Variants in TMEM63C observed in about 807,000 individuals in gnomAD.
TMEM63C encodes osmosensitive cation channel TMEM63C.
Under a neutral mutation model 99.2 loss-of-function variants are expected in TMEM63C, and 32 were observed. That is an observed-to-expected ratio of 0.32 (90% CI 0.24 to 0.43). The LOEUF (loss-of-function observed/expected upper bound fraction) is 0.43. Among genes scored for constraint, TMEM63C ranks in the 20% least tolerant of loss-of-function variants. The pLI is 1.00. For missense variants in TMEM63C, 826 were observed against 1,053.0 expected, an observed-to-expected ratio of 0.78 and a Z score of 2.98; for synonymous variants, 376 against 397.9, an observed-to-expected ratio of 0.94 and a Z score of 0.66.
At chr14:77,247,638 G>A (rs1007578738) in intron 18 of TMEM63C, among the ~76,000 whole-genome samples, 5 of 152,314 alleles carry the variant, frequency 3.3e-5, no homozygotes, top group Admixed American at 2.6e-4. Flanking sequence ...TGCAGACCAC[G>A]TGGGACATTC....
Position 77,213,434 on chromosome 14 carries a change from G to C in TMEM63C, c.-76-12G>C, listed in dbSNP as rs1375137725. ...GTCTTGTGGTCTCTCCACCGCGTGTGTTCTTTTGCAGCAGCCCCGTAGCTG... is the reference window on the plus strand; with the variant it reads ...GTCTTGTGGTCTCTCCACCGCGTGTCTTCTTTTGCAGCAGCCCCGTAGCTG... On this transcript the variant is annotated splice_polypyrimidine_tract_variant and intron_variant, in intron 1 of 23. Transcript: ENST00000298351. The C allele has an allele frequency of 6.6e-6, 1 of 152,224 alleles. No homozygotes were observed. The highest frequency in any genetic ancestry group is 1.5e-5 in the Non-Finnish European group (1 of 68,054). The allele number at this position is 152,224 out of a possible 1,614,324, so 9.4% of individuals were successfully genotyped here.
intron 1 of TMEM63C, among the ~76,000 whole-genome samples, chr14:77,197,752 C>T (rs2661823): frequency 0.71 from 108,349 of 152,126 alleles, 38,885 homozygotes; most frequent in East Asian, 0.89. Flanking sequence ...ATGACTGTGC[C>T]CTAACTTCAC....
chr14:77,243,193 G>A, intron 15 of TMEM63C, 137 bp downstream of exon 15: 1 of 1,072,612 alleles, frequency 9.3e-7, no homozygotes, highest in East Asian at 2.6e-5. Flanking sequence ...GGTGGCCATG[G>A]TGCAAATGGC....
chr14:77,222,846 A>G (rs1226505210), intron 5 of TMEM63C, among the ~76,000 whole-genome samples: 1 of 152,202 alleles, frequency 6.6e-6, no homozygotes, highest in Non-Finnish European at 1.5e-5. Flanking sequence ...CCTTTTCTTC[A>G]ACATTTTTAA....
rs1405382926 is a variant in TMEM63C, at chr14:77,240,467, C to T, written c.931-8C>T. 1 of 1,606,558 alleles carries T rather than the reference C, an allele frequency of 6.2e-7. No individual in the cohort carries two copies. Among genetic ancestry groups the T allele is most frequent in the Admixed American group, 1.7e-5 (1 of 59,744 alleles). Reference sequence around the variant, plus strand: ...GGCCCCAGCCCTGAAGGCTGCCTGCCACCCCAGGTGGATGCAGAGCAGTAT... The same window carrying T: ...GGCCCCAGCCCTGAAGGCTGCCTGCTACCCCAGGTGGATGCAGAGCAGTAT... On this transcript the variant is annotated splice_polypyrimidine_tract_variant and splice_region_variant and intron_variant, in intron 12 of 23. Transcript: ENST00000298351.
chr14:77,249,491 C>G, intron 21 of TMEM63C, 33 bp downstream of exon 21: 1 of 1,608,110 alleles, frequency 6.2e-7, no homozygotes, highest in Non-Finnish European at 8.5e-7. Context: ...GACCCCACCT[C>G]CACCTGCCCC....
intron 2 of TMEM63C, among the ~76,000 whole-genome samples, chr14:77,218,246 G>GGGC (rs1012786569): frequency 6.7e-6 from 1 of 150,226 alleles, no homozygotes; most frequent in Non-Finnish European, 1.5e-5. Flanking sequence ...AAAAAGAGGG[G>GGGC]GGTGTTTCTT....
At chr14:77,197,321 G>C (rs1888229864) in intron 1 of TMEM63C, among the ~76,000 whole-genome samples, 1 of 152,234 alleles carries the variant, frequency 6.6e-6, no homozygotes, top group Admixed American at 6.5e-5. Flanking sequence ...GAGCCCTCCA[G>C]GGCAGGGAGC....
rs937902035 is a variant in TMEM63C, at chr14:77,257,708, T to C, written c.*982T>C. 6.6e-5 allele frequency: 10 copies of C among 152,210 alleles called. No individual in the cohort carries two copies. In the East Asian group the frequency reaches 1.7e-3, roughly 26 times the overall value. 9.4% of individuals were successfully genotyped at this position (152,210 alleles called of 1,614,324 possible). On this transcript the variant is annotated 3_prime_UTR_variant, in exon 24 of 24. Transcript: ENST00000298351. ...GCCTGGGCCCCCAGCTTGGCCAAGA[T>C]GGGCAGTACGTTAGGGTAAGAACCC...
At chr14:77,183,282 G>T (rs573761985) in intron 1 of TMEM63C, among the ~76,000 whole-genome samples, 1 of 152,232 alleles carries the variant, frequency 6.6e-6, no homozygotes, top group African/African-American at 2.4e-5. Context: ...TCTTCTCTTC[G>T]CACCCCACAG....
chr14:77,250,079 C>T (rs929369218), intron 21 of TMEM63C, among the ~76,000 whole-genome samples: 2 of 152,222 alleles, frequency 1.3e-5, no homozygotes, highest in African/African-American at 2.4e-5. Context: ...AAGCGATCCC[C>T]TGGCCTAGGC....
intron 6 of TMEM63C, among the ~76,000 whole-genome samples, chr14:77,226,700 A>G (rs948511246): frequency 1.3e-5 from 2 of 151,778 alleles, no homozygotes; most frequent in East Asian, 3.9e-4. Context: ...TGGTGTGACT[A>G]GAAGCAAGGT....
intron 8 of TMEM63C, among the ~76,000 whole-genome samples, chr14:77,235,301 G>A (rs1226083798): frequency 4.7e-5 from 7 of 150,026 alleles, no homozygotes; most frequent in Admixed American, 1.3e-4. Context: ...ATCGGTGGGA[G>A]GGGAGGGTCT....
chr14:77,248,267 C>G (rs150401411), intron 18 of TMEM63C, 80 bp from the exon 19 acceptor site: 34 of 1,289,778 alleles, frequency 2.6e-5, no homozygotes, highest in Non-Finnish European at 3.1e-5. Flanking sequence ...CTCTGCTGCT[C>G]TCCTCTCTCT....
Position 77,220,024 on chromosome 14 carries a change from T to C in TMEM63C, c.249T>C (p.Tyr83=). ...CTGGCAGCCTGACCTCGCTGATCTA[T>C]GGGGAGCAGAGCGAGAAGACATCTC... ...IHNDSLTSLI[Y]GEQSEKTSPS... The change falls in exon 5 of 24, where the codon TAT becomes TAC. Residue 83 remains tyrosine, a synonymous_variant. Transcript: ENST00000298351. 1 of 1,560,588 alleles carries C rather than the reference T, an allele frequency of 6.4e-7. No individual in the cohort carries two copies. Among genetic ancestry groups the C allele is most frequent in the Non-Finnish European group, 8.7e-7 (1 of 1,152,142 alleles).
At chr14:77,203,103 C>T (rs868646515) in intron 1 of TMEM63C, among the ~76,000 whole-genome samples, 8 of 152,150 alleles carry the variant, frequency 5.3e-5, no homozygotes, top group African/African-American at 1.4e-4. Context: ...AGACGCTGGG[C>T]GTGGTGGCTT....
In TMEM63C at chr14:77,258,258, G is replaced by C. The variant is rs375573565; in HGVS notation, c.*1532G>C. On this transcript the variant is annotated 3_prime_UTR_variant, in exon 24 of 24. Coordinates refer to ENST00000298351, the MANE Select transcript of TMEM63C (RefSeq NM_020431.4). ...ACCAACCTACTGAAGGCCGGCCCCC[G>C]GCTCACCTCACCTGAGCACCTGCAC... is the stretch of plus-strand genomic sequence containing the variant. The C allele has an allele frequency of 6.5e-6, 1 of 153,008 alleles. No homozygotes were observed. 9.5% of individuals were successfully genotyped at this position (153,008 alleles called of 1,614,324 possible).
chr14:77,229,613 AATATATAT>A (rs149146698), intron 6 of TMEM63C, among the ~76,000 whole-genome samples: 1 of 117,936 alleles, frequency 8.5e-6, no homozygotes, highest in Non-Finnish European at 1.9e-5. Context: ...ACACCCAGCT[AATATATAT>A]ATATATATAT....
At chr14:77,220,164 C>G in intron 5 of TMEM63C, 77 bp downstream of exon 5, 1 of 1,361,992 alleles carries the variant, frequency 7.3e-7, no homozygotes, top group Non-Finnish European at 1.0e-6. Context: ...GGAAGAAACA[C>G]GGCTTAGACC....
Sources: gnomAD v4.1 joint callset for allele counts (sites outside exome capture counted in the v4.1 genomes callset) on GRCh38, gnomAD v4.1.1 for gene constraint, MANE v1.5 for transcripts, NCBI Gene and HGNC (gene_info 2026-07-23, HGNC 2026-07-21) for gene names.